Variants in SBF2 observed in about 807,000 individuals in gnomAD.
SBF2 encodes the protein SET binding factor 2.
A neutral mutation model predicts 225.2 loss-of-function variants in SBF2; 112 were observed. That is an observed-to-expected ratio of 0.50 (90% CI 0.43 to 0.58). The LOEUF (loss-of-function observed/expected upper bound fraction) is 0.58, where lower values mean the gene tolerates loss of function less well. Among genes scored for constraint, SBF2 ranks in the 20% least tolerant of loss-of-function variants. The probability of loss-of-function intolerance (pLI) is 0.00; values close to 1 mark genes in which losing one functional copy is unlikely to be tolerated. For synonymous variants in SBF2, 763 were observed against 773.3 expected, an observed-to-expected ratio of 0.99 and a Z score of 0.22; for missense variants, 1,996 against 2,206.2, an observed-to-expected ratio of 0.90 and a Z score of 1.91.
chr11:10,139,441 C>A (rs1218589271), intron 2 of SBF2, among the ~76,000 whole-genome samples: 2 of 152,134 alleles, frequency 1.3e-5, no homozygotes, highest in Non-Finnish European at 2.9e-5. Flanking sequence ...TTGAACACTT[C>A]AAATTAGCGT....
At chr11:10,090,366 A>C (rs886401519) in intron 2 of SBF2, among the ~76,000 whole-genome samples, 10 of 152,226 alleles carry the variant, frequency 6.6e-5, no homozygotes, top group African/African-American at 2.2e-4. Flanking sequence ...AGTTATATAA[A>C]CTTAGTGAAG....
chr11:10,235,538 A>C (rs977228460), intron 1 of SBF2, among the ~76,000 whole-genome samples: 2 of 152,076 alleles, frequency 1.3e-5, no homozygotes, highest in South Asian at 2.1e-4. Flanking sequence ...AAAAAAAAAA[A>C]AAAAACCAAA....
At chr11:10,065,074 G>A (rs964687470) in intron 2 of SBF2, among the ~76,000 whole-genome samples, 2 of 151,984 alleles carry the variant, frequency 1.3e-5, no homozygotes, top group Non-Finnish European at 2.9e-5. Context: ...TATAAAATAT[G>A]TTCTCATGTC....
At chr11:10,022,600 AC>A (rs563850615) in intron 6 of SBF2, among the ~76,000 whole-genome samples, 3 of 147,788 alleles carry the variant, frequency 2.0e-5, no homozygotes, top group South Asian at 2.2e-4. Flanking sequence ...TTATGTACCC[AC>A]CCCCCCATCA....
intron 1 of SBF2, among the ~76,000 whole-genome samples, chr11:10,196,231 G>C (rs1957350273): frequency 1.3e-5 from 2 of 152,048 alleles, no homozygotes; most frequent in Admixed American, 1.3e-4. Context: ...AAATTCATTG[G>C]TACTGACTGA....
In SBF2 at chr11:10,173,806, G is replaced by C. The variant is rs562292443; in HGVS notation, c.141+20096C>G. 8.3e-4 allele frequency among the ~76,000 whole-genome samples: 124 copies of C among 149,838 alleles called. 1 individual carries two copies. Among genetic ancestry groups the C allele is most frequent in the African/African-American group, 2.9e-3 (117 of 40,476 alleles). On this transcript the variant is annotated intron_variant, in intron 2 of 39. Coordinates refer to ENST00000256190, the MANE Select transcript of SBF2 (RefSeq NM_030962.4). ...GCAGTGGTTCTCCCAGCACGCAGCT[G>C]GAGATCTGAGAACAGGCAGACTGCC...
At chr11:10,239,560 A>G (rs563663885) in intron 1 of SBF2, among the ~76,000 whole-genome samples, 1 of 150,378 alleles carries the variant, frequency 6.6e-6, no homozygotes, top group Admixed American at 6.6e-5. Flanking sequence ...TGTGTCTGTA[A>G]CATCCTGCTG....
At chr11:10,061,278 CT>C (rs1247997467) in intron 2 of SBF2, among the ~76,000 whole-genome samples, 15 of 151,982 alleles carry the variant, frequency 9.9e-5, no homozygotes, top group Non-Finnish European at 1.9e-4. Context: ...AAGCACTCCC[CT>C]TGAAAACTGG....
At chr11:10,210,106 G>C (rs1366032438) in intron 1 of SBF2, among the ~76,000 whole-genome samples, 13 of 152,118 alleles carry the variant, frequency 8.5e-5, no homozygotes, top group Admixed American at 8.5e-4. Flanking sequence ...AGGAGTTCCA[G>C]TTCAGCCCGG....
At chr11:10,240,931 G>A (rs940044801) in intron 1 of SBF2, among the ~76,000 whole-genome samples, 1 of 152,154 alleles carries the variant, frequency 6.6e-6, no homozygotes, top group African/African-American at 2.4e-5. Flanking sequence ...AGAATACTTA[G>A]AGGAATATTA....
At chr11:10,046,971 T>C (rs1399384534) in intron 2 of SBF2, among the ~76,000 whole-genome samples, 2 of 151,884 alleles carry the variant, frequency 1.3e-5, no homozygotes, top group Non-Finnish European at 2.9e-5. Flanking sequence ...CAACCACTTT[T>C]CCTTTATGTC....
chr11:9,902,924 A>C (rs1861833972), intron 16 of SBF2, among the ~76,000 whole-genome samples: 1 of 151,400 alleles, frequency 6.6e-6, no homozygotes, highest in Non-Finnish European at 1.5e-5. Context: ...TGCAACTTCC[A>C]AACTAGTGGA....
At chr11:10,255,833 A>G (rs1960817680) in intron 1 of SBF2, among the ~76,000 whole-genome samples, 1 of 152,236 alleles carries the variant, frequency 6.6e-6, no homozygotes, top group South Asian at 2.1e-4. Flanking sequence ...AATGGCAAAG[A>G]TATAAAACCA....
At chr11:9,854,442 T>G (rs1342436539) in intron 19 of SBF2, among the ~76,000 whole-genome samples, 1 of 152,200 alleles carries the variant, frequency 6.6e-6, no homozygotes, top group African/African-American at 2.4e-5. Context: ...TCTGTTCCTA[T>G]TAACTTCTCT....
At chr11:10,157,632 C>G (rs1364346019) in intron 2 of SBF2, among the ~76,000 whole-genome samples, 4 of 152,094 alleles carry the variant, frequency 2.6e-5, no homozygotes, top group African/African-American at 9.7e-5. Context: ...GCTTAGGGCT[C>G]CCACTGATTC....
rs769911496 is a variant in SBF2 at position 9,968,528 on chromosome 11, A to G, written c.1413T>C (p.His471=). ...QLFKNENPNP[H]MAFQKVPRPT... Reference sequence around the variant, plus strand: ...GCCGTGGAACTTTCTGGAATGCCATATGAGGATTTGGATTCTCCTGTAATA... The same window carrying G: ...GCCGTGGAACTTTCTGGAATGCCATGTGAGGATTTGGATTCTCCTGTAATA... The change falls in exon 14 of 40, where the codon CAT becomes CAC. Residue 471 remains histidine (H), a synonymous_variant. Transcript: ENST00000256190. The G allele has an allele frequency of 6.2e-7, 1 of 1,613,818 alleles. No homozygotes were observed. The highest frequency in any genetic ancestry group is 1.3e-5 in the African/African-American group (1 of 74,920).
At chr11:10,080,055 C>T (rs913788046) in intron 2 of SBF2, among the ~76,000 whole-genome samples, 7 of 151,910 alleles carry the variant, frequency 4.6e-5, no homozygotes, top group African/African-American at 1.7e-4. Context: ...TGAGACCAGC[C>T]TGGCCAACAT....
At chr11:9,960,969 T>TA (rs78035723) in intron 16 of SBF2, 41,928 of 152,096 alleles carry the variant, frequency 0.28, 6,078 homozygotes, top group Admixed American at 0.36. Context: ...GGCCAAATAA[T>TA]ATAATCTTAA....
chr11:10,232,897 CTTAGAA>C (rs1284315479), intron 1 of SBF2, among the ~76,000 whole-genome samples: 2 of 152,150 alleles, frequency 1.3e-5, no homozygotes, highest in Non-Finnish European at 2.9e-5. Context: ...TTACTTTGTA[CTTAGAA>C]TTAGAAGTTG....
Sources: gnomAD v4.1 joint callset for allele counts (sites outside exome capture counted in the v4.1 genomes callset) on GRCh38, gnomAD v4.1.1 for gene constraint, MANE v1.5 for transcripts, NCBI Gene and HGNC (gene_info 2026-07-23, HGNC 2026-07-21) for gene names.